The following SH3BGRL2 variants were observed in gnomAD, a reference collection of about 807,000 sequenced individuals.
SH3BGRL2 encodes the protein SH3 domain binding glutamate rich protein like 2.
SH3BGRL2 carries 21 observed loss-of-function variants against 14.8 expected under a neutral mutation model. The observed-to-expected ratio is 1.42, with a 90% CI of 1.01 to 2.05. The LOEUF (loss-of-function observed/expected upper bound fraction) is 2.05. SH3BGRL2 is among the 30% of genes most tolerant of loss of function. The probability of loss-of-function intolerance (pLI) is 0.00; values close to 1 mark genes in which losing one functional copy is unlikely to be tolerated. For synonymous variants in SH3BGRL2, 50 were observed against 47.8 expected, an observed-to-expected ratio of 1.05 and a Z score of -0.19; for missense variants, 147 against 130.8, an observed-to-expected ratio of 1.12 and a Z score of -0.61.
At chr6:79,652,907 A>T (rs145652147) in intron 1 of SH3BGRL2, among the ~76,000 whole-genome samples, 3 of 152,336 alleles carry the variant, frequency 2.0e-5, no homozygotes, top group African/African-American at 7.2e-5. Context: ...AACACTTAAT[A>T]GTGTTTAATC....
At chr6:79,551,655 A>G in the SH3BGRL2 span, among the ~76,000 whole-genome samples, 2 of 152,164 alleles carry the variant, frequency 1.3e-5, no homozygotes, top group Non-Finnish European at 2.9e-5. Flanking sequence ...TACATACTCA[A>G]CTGGTTACAG....
the SH3BGRL2 span, among the ~76,000 whole-genome samples, chr6:79,560,739 C>T: frequency 4.6e-5 from 7 of 152,022 alleles, no homozygotes; most frequent in Admixed American, 2.0e-4. Context: ...GAAAGTACAA[C>T]TCAAAATGGC....
chr6:79,597,293 AGAAAGAG>A, the SH3BGRL2 span, among the ~76,000 whole-genome samples: 1 of 122,922 alleles, frequency 8.1e-6, no homozygotes, highest in Non-Finnish European at 1.9e-5. Context: ...AAAGAAAGAG[AGAAAGAG>A]AGAGAAAAGA....
chr6:79,663,295 G>A (rs906056957), intron 1 of SH3BGRL2, among the ~76,000 whole-genome samples: 3 of 152,094 alleles, frequency 2.0e-5, no homozygotes, highest in African/African-American at 2.4e-5. Flanking sequence ...ATCTACCTTT[G>A]GTCTTTGATG....
chr6:79,637,532 A>G (rs977606594), intron 1 of SH3BGRL2, among the ~76,000 whole-genome samples: 8 of 152,016 alleles, frequency 5.3e-5, no homozygotes, highest in African/African-American at 1.9e-4. Context: ...ATCTCTACTA[A>G]AAATACAAAA....
At chr6:79,545,484 T>TA in the SH3BGRL2 span, among the ~76,000 whole-genome samples, 1 of 152,234 alleles carries the variant, frequency 6.6e-6, no homozygotes, top group Non-Finnish European at 1.5e-5. Context: ...ACCATTATTA[T>TA]ACCTTGGTAA....
the SH3BGRL2 span, among the ~76,000 whole-genome samples, chr6:79,554,305 AT>A: frequency 1.6e-4 from 24 of 152,286 alleles, 1 homozygote; most frequent in South Asian, 5.0e-3. Context: ...TCTAGAAGTT[AT>A]TTTTATATAA....
At chr6:79,671,743 G>A (rs1476180672) in intron 1 of SH3BGRL2, among the ~76,000 whole-genome samples, 1 of 152,176 alleles carries the variant, frequency 6.6e-6, no homozygotes, top group Non-Finnish European at 1.5e-5. Context: ...CCAGTAGGCT[G>A]ATGTGTTTCT....
upstream of SH3BGRL2, among the ~76,000 whole-genome samples, chr6:79,627,927 GA>G (rs796384865): frequency 8.2e-4 from 125 of 151,724 alleles, no homozygotes; most frequent in African/African-American, 2.9e-3. Flanking sequence ...ACTTGAATGA[GA>G]AAAAAAATCA....
chr6:79,540,845 GGAAAAAATTA>G, the SH3BGRL2 span, among the ~76,000 whole-genome samples: 2 of 152,206 alleles, frequency 1.3e-5, no homozygotes, highest in South Asian at 4.2e-4. Context: ...CATCTAAACT[GGAAAAAATTA>G]GAACAGTTAT....
chr6:79,588,725 C>T, the SH3BGRL2 span, among the ~76,000 whole-genome samples: 2 of 151,906 alleles, frequency 1.3e-5, no homozygotes, highest in Admixed American at 6.6e-5. Context: ...TTATTAACAA[C>T]AATTAATAAA....
chr6:79,628,284 T>A (rs1768766251), upstream of SH3BGRL2, among the ~76,000 whole-genome samples: 1 of 151,988 alleles, frequency 6.6e-6, no homozygotes, highest in African/African-American at 2.4e-5. Context: ...AAACTTTTTT[T>A]TTTTGAGAAA....
the SH3BGRL2 span, among the ~76,000 whole-genome samples, chr6:79,551,736 G>A: frequency 6.6e-6 from 1 of 152,176 alleles, no homozygotes; most frequent in Non-Finnish European, 1.5e-5. Context: ...TACCACCCAT[G>A]TTCACTTTGT....
the SH3BGRL2 span, among the ~76,000 whole-genome samples, chr6:79,602,485 C>T: frequency 6.6e-6 from 1 of 152,126 alleles, no homozygotes; most frequent in South Asian, 2.1e-4. Context: ...GTGTGCTTGT[C>T]AGTTAATCTG....
intron 1 of SH3BGRL2, among the ~76,000 whole-genome samples, chr6:79,636,845 G>A (rs1768934629): frequency 1.3e-5 from 2 of 152,030 alleles, no homozygotes; most frequent in African/African-American, 4.8e-5. Context: ...GTTTTTATAA[G>A]GACACAGCCA....
At chr6:79,682,967 G>A (rs1177333209) in intron 2 of SH3BGRL2, among the ~76,000 whole-genome samples, 1 of 152,156 alleles carries the variant, frequency 6.6e-6, no homozygotes. Flanking sequence ...ACCGAACACT[G>A]CATGTTCTCA....
rs1769555097 is a variant in SH3BGRL2, at chr6:79,661,823, G to A, written c.46-11791G>A. Among the ~76,000 whole-genome samples, 5 of 152,258 alleles carry A rather than the reference G, an allele frequency of 3.3e-5. No individual in the cohort carries two copies. The South Asian group carries it at 1.0e-3, about 32-fold the overall frequency. On this transcript the variant is annotated intron_variant, in intron 1 of 3. Coordinates refer to ENST00000369838, the MANE Select transcript of SH3BGRL2 (RefSeq NM_031469.4). ...TATGAATCTGGGTGCTCCTGTATTG[G>A]ATGCATATATATTTAGGATAGTTAG...
intron 2 of SH3BGRL2, among the ~76,000 whole-genome samples, chr6:79,691,332 GTTTTT>G (rs1207224283): frequency 2.0e-5 from 3 of 150,408 alleles, no homozygotes; most frequent in Non-Finnish European, 4.4e-5. Flanking sequence ...TGTTTGTTTT[GTTTTT>G]GTTTTTTTTT....
chr6:79,560,272 A>G, the SH3BGRL2 span, among the ~76,000 whole-genome samples: 1 of 152,246 alleles, frequency 6.6e-6, no homozygotes, highest in East Asian at 1.9e-4. Flanking sequence ...AATAAAGGTT[A>G]GCATAACTGA....
Sources: allele counts gnomAD v4.1 joint callset (sites outside exome capture counted in the v4.1 genomes callset), GRCh38; gene constraint gnomAD v4.1.1; transcripts MANE v1.5; gene names NCBI Gene and HGNC (gene_info 2026-07-23, HGNC 2026-07-21).